Variants in NLGN1 observed in about 807,000 individuals in gnomAD.
NLGN1 encodes the protein neuroligin-1.
In NLGN1, 12 loss-of-function variants were observed where a neutral mutation model predicts 65.5. The observed-to-expected ratio is 0.18, with a 90% confidence interval of 0.12 to 0.30. The LOEUF is 0.30. Ranked by LOEUF, NLGN1 falls within the 10% of genes least tolerant of loss-of-function variation. The probability of loss-of-function intolerance (pLI) is 1.00; values close to 1 mark genes in which losing one functional copy is unlikely to be tolerated. For synonymous variants in NLGN1, 350 were observed against 359.5 expected, an observed-to-expected ratio of 0.97 and a Z score of 0.30; for missense variants, 750 against 1,007.1, an observed-to-expected ratio of 0.74 and a Z score of 3.46.
intron 2 of NLGN1, among the ~76,000 whole-genome samples, chr3:173,457,899 G>T (rs867249225): frequency 1.4e-4 from 21 of 152,250 alleles, no homozygotes; most frequent in Middle Eastern, 3.4e-3. Flanking sequence ...TTGCATGCAT[G>T]TGTGTGGTGT....
intron 3 of NLGN1, among the ~76,000 whole-genome samples, chr3:173,664,136 T>C (rs1252483065): frequency 6.6e-6 from 1 of 152,076 alleles, no homozygotes; most frequent in East Asian, 1.9e-4. Flanking sequence ...TGGATCCCTA[T>C]TGAATTATGC....
chr3:174,082,352 C>T (rs1742405837), intron 4 of NLGN1, among the ~76,000 whole-genome samples: 1 of 151,730 alleles, frequency 6.6e-6, no homozygotes, highest in South Asian at 2.1e-4. Context: ...AGTGAAAAGT[C>T]AATTAAAAAA....
At chr3:173,603,465 G>GA (rs1255293210) in intron 2 of NLGN1, among the ~76,000 whole-genome samples, 2 of 150,596 alleles carry the variant, frequency 1.3e-5, no homozygotes. Context: ...CAGACAGTGA[G>GA]AAAAAAACTG....
At chr3:173,879,639 T>G (rs1011065024) in intron 4 of NLGN1, among the ~76,000 whole-genome samples, 32 of 102,686 alleles carry the variant, frequency 3.1e-4, no homozygotes, top group African/African-American at 1.0e-3. Context: ...TTTCTGTGTG[T>G]TTTTTTTTTT....
chr3:174,251,700 A>C (rs1485506048), intron 4 of NLGN1, among the ~76,000 whole-genome samples: 1 of 152,256 alleles, frequency 6.6e-6, no homozygotes. Context: ...ATAAATTGCA[A>C]ATTAAGCTAC....
chr3:173,497,434 C>T (rs1730221358), intron 2 of NLGN1, among the ~76,000 whole-genome samples: 1 of 151,264 alleles, frequency 6.6e-6, no homozygotes, highest in Non-Finnish European at 1.5e-5. Context: ...TTATTTATAT[C>T]TTCTCTTAAA....
At chr3:174,097,109 A>G (rs184815908) in intron 4 of NLGN1, among the ~76,000 whole-genome samples, 18 of 152,262 alleles carry the variant, frequency 1.2e-4, no homozygotes, top group African/African-American at 4.1e-4. Context: ...TATGAGCGCC[A>G]CTGTAGAAAG....
chr3:173,545,928 A>G (rs1158890551), intron 2 of NLGN1, among the ~76,000 whole-genome samples: 1 of 151,656 alleles, frequency 6.6e-6, no homozygotes, highest in Non-Finnish European at 1.5e-5. Context: ...GGAACATCAC[A>G]CACTGGGGCC....
At chr3:174,019,039 G>A (rs1727203157) in intron 4 of NLGN1, among the ~76,000 whole-genome samples, 2 of 151,880 alleles carry the variant, frequency 1.3e-5, no homozygotes, top group Admixed American at 6.6e-5. Flanking sequence ...ACTTCCAAGT[G>A]TCACAAAATG....
intron 4 of NLGN1, among the ~76,000 whole-genome samples, chr3:173,834,943 G>A (rs1232456661): frequency 1.3e-5 from 2 of 152,108 alleles, no homozygotes; most frequent in East Asian, 1.9e-4. Flanking sequence ...TTTTCATCAC[G>A]CCAGCAACAA....
At chr3:173,678,996 T>C (rs953480220) in intron 3 of NLGN1, among the ~76,000 whole-genome samples, 1 of 151,956 alleles carries the variant, frequency 6.6e-6, no homozygotes, top group African/African-American at 2.4e-5. Flanking sequence ...CAGAGTTTAG[T>C]TGGGAATTAG....
chr3:174,039,744 G>A (rs982981877), intron 4 of NLGN1, among the ~76,000 whole-genome samples: 1 of 152,108 alleles, frequency 6.6e-6, no homozygotes, highest in East Asian at 1.9e-4. Flanking sequence ...TTCTGGCAGC[G>A]AGGTTGAGAT....
chr3:173,889,989 G>A (rs1560569237), intron 4 of NLGN1, among the ~76,000 whole-genome samples: 1 of 131,904 alleles, frequency 7.6e-6, no homozygotes, highest in African/African-American at 3.4e-5. Context: ...ATGTATGAGG[G>A]TGTGTGTGTG....
intron 3 of NLGN1, among the ~76,000 whole-genome samples, chr3:173,656,065 A>G (rs779360272): frequency 7.2e-5 from 11 of 152,140 alleles, no homozygotes; most frequent in Non-Finnish European, 1.5e-5. Flanking sequence ...TGTACACCCT[A>G]TGTAAATGAA....
intron 4 of NLGN1, among the ~76,000 whole-genome samples, chr3:174,124,741 T>C (rs1010265922): frequency 6.6e-6 from 1 of 150,770 alleles, no homozygotes; most frequent in East Asian, 1.9e-4. Flanking sequence ...TATATACATA[T>C]ATTACACACG....
intron 2 of NLGN1, among the ~76,000 whole-genome samples, chr3:173,526,691 T>A (rs186710965): frequency 1.2e-4 from 18 of 152,318 alleles, no homozygotes; most frequent in African/African-American, 3.8e-4. Context: ...AAATATTAGG[T>A]CTTATTCACA....
At chr3:174,015,760 T>C (rs1208291343) in intron 4 of NLGN1, among the ~76,000 whole-genome samples, 4 of 152,094 alleles carry the variant, frequency 2.6e-5, no homozygotes, top group Non-Finnish European at 5.9e-5. Flanking sequence ...AATTAACAAA[T>C]AAAATGAAAG....
chr3:174,286,596 C>T (rs1752147862), exon 7 of NLGN1: 1 of 151,566 alleles, frequency 6.6e-6, no homozygotes, highest in Non-Finnish European at 1.5e-5. Context: ...CTATGGCTTT[C>T]ATTAAAAACG....
At chr3:173,684,894 T>C (rs1353356872) in intron 3 of NLGN1, among the ~76,000 whole-genome samples, 1 of 152,202 alleles carries the variant, frequency 6.6e-6, no homozygotes, top group Non-Finnish European at 1.5e-5. Flanking sequence ...CAAAAGCCTT[T>C]AAAGGTAAAT....
Sources: allele counts gnomAD v4.1 joint callset (sites outside exome capture counted in the v4.1 genomes callset), GRCh38; gene constraint gnomAD v4.1.1; transcripts MANE v1.5; gene names NCBI Gene and HGNC (gene_info 2026-07-23, HGNC 2026-07-21).